Variants in ERO1B observed in about 807,000 individuals in gnomAD.
The protein encoded by ERO1B is ERO1-like protein beta.
Under a neutral mutation model 75.3 loss-of-function variants are expected in ERO1B, and 49 were observed. That is an observed-to-expected ratio of 0.65 (90% CI 0.52 to 0.83). The LOEUF (loss-of-function observed/expected upper bound fraction) is 0.83, where lower values mean the gene tolerates loss of function less well. Among genes scored for constraint, ERO1B ranks in the 40% least tolerant of loss-of-function variants. The probability of loss-of-function intolerance (pLI) is 0.00; values close to 1 mark genes in which losing one functional copy is unlikely to be tolerated. For synonymous variants in ERO1B, 191 were observed against 192.9 expected, an observed-to-expected ratio of 0.99 and a Z score of 0.08; for missense variants, 512 against 560.1, an observed-to-expected ratio of 0.91 and a Z score of 0.87.
intron 2 of ERO1B, among the ~76,000 whole-genome samples, chr1:236,255,525 G>C (rs1484279759): frequency 1.3e-5 from 2 of 152,048 alleles, no homozygotes; most frequent in Non-Finnish European, 2.9e-5. Flanking sequence ...TGGAACAGTG[G>C]TATAATACAT....
intron 5 of ERO1B, among the ~76,000 whole-genome samples, chr1:236,243,889 TTTAAA>T (rs1664773586): frequency 6.6e-6 from 1 of 152,188 alleles, no homozygotes; most frequent in South Asian, 2.1e-4. Context: ...ATTCTTTTAA[TTTAAA>T]TTGTGTCTAT....
intron 4 of ERO1B, among the ~76,000 whole-genome samples, chr1:236,250,618 T>TATGTATAG (rs1491338079): frequency 0.012 from 1,331 of 110,052 alleles, 179 homozygotes; most frequent in Middle Eastern, 0.023. Flanking sequence ...TATATATATA[T>TATGTATAG]CAAACGTGTG....
At chr1:236,268,584 C>A (rs1204376580) in intron 2 of ERO1B, among the ~76,000 whole-genome samples, 2 of 152,124 alleles carry the variant, frequency 1.3e-5, no homozygotes, top group Non-Finnish European at 2.9e-5. Flanking sequence ...AAGACCCTGT[C>A]TCTAAAAAAA....
intron 13 of ERO1B, among the ~76,000 whole-genome samples, chr1:236,222,325 C>T (rs546919172): frequency 2.0e-5 from 3 of 152,158 alleles, no homozygotes; most frequent in African/African-American, 7.2e-5. Context: ...GTTGTCCAGG[C>T]TGGTCTTGAA....
intron 2 of ERO1B, among the ~76,000 whole-genome samples, chr1:236,264,218 T>TG (rs1665365580): frequency 6.6e-6 from 1 of 152,042 alleles, no homozygotes; most frequent in Non-Finnish European, 1.5e-5. Context: ...CTCATGCCTC[T>TG]GCCTGCCCCC....
intron 1 of ERO1B, among the ~76,000 whole-genome samples, chr1:236,281,122 A>G (rs1378620638): frequency 6.6e-6 from 1 of 152,216 alleles, no homozygotes; most frequent in Admixed American, 6.5e-5. Context: ...CTGGGTAAAA[A>G]TAAAGCAATC....
rs572324553 is a variant in ERO1B at position 236,279,827 on chromosome 1, G to A, written c.102+1855C>T. On this transcript the variant is annotated intron_variant, in intron 1 of 15. Transcript: ENST00000354619. ...GCCATTGCATCCAGCCTGGCCAACA[G>A]AGTGAGACACTATCTCAAAAAAAAA... 1.5e-4 allele frequency among the ~76,000 whole-genome samples: 20 copies of A among 129,034 alleles called. No homozygotes were observed. The East Asian group carries it at 3.2e-3, about 20-fold the overall frequency. The allele number at this position is 129,034 out of a possible 152,430, so 84.7% of individuals were successfully genotyped here. A position where few individuals can be genotyped will look rare whatever the true frequency, so the allele number is the denominator to read the frequency against.
intron 2 of ERO1B, 55 bp downstream of exon 2, chr1:236,269,820 T>C (rs1188686554): frequency 8.1e-6 from 11 of 1,359,126 alleles, no homozygotes; most frequent in Non-Finnish European, 1.1e-5. Flanking sequence ...AAAAGGATCA[T>C]AAAGGTCACA....
chr1:236,277,324 A>C lies in ERO1B; in HGVS notation c.102+4358T>G, dbSNP rs140377631. 2.7e-3 allele frequency among the ~76,000 whole-genome samples: 415 copies of C among 151,480 alleles called. 5 individuals are homozygous for C. Among genetic ancestry groups the C allele is most frequent in the African/African-American group, 9.8e-3 (405 of 41,244 alleles). ...GAGGCTGAGGCATAAGAATTGCTTGAGCCTGGGAGACAGAGGTTGCAGTGA... is the reference window on the plus strand; with the variant it reads ...GAGGCTGAGGCATAAGAATTGCTTGCGCCTGGGAGACAGAGGTTGCAGTGA... On this transcript the variant is annotated intron_variant, in intron 1 of 15. Transcript: ENST00000354619.
Position 236,281,726 on chromosome 1 carries a change from G to T in ERO1B, c.58C>A (p.Leu20Met), listed in dbSNP as rs1665835643. 1 of 1,515,140 alleles carries T rather than the reference G, an allele frequency of 6.6e-7. No homozygotes were observed. Among genetic ancestry groups the T allele is most frequent in the East Asian group, 2.6e-5 (1 of 38,996 alleles). 93.9% of individuals were successfully genotyped at this position (1,515,140 alleles called of 1,614,324 possible). A position where few individuals can be genotyped will look rare whatever the true frequency, so the allele number is the denominator to read the frequency against. ...AGQGVAAAVQ[L>M]LVTLSFLRSV... Reference sequence around the variant, plus strand: ...CGCAGGAAGCTCAGGGTGACCAGCAGCTGCACCGCGGCCGCTACCCCCTGC... The same window carrying T: ...CGCAGGAAGCTCAGGGTGACCAGCATCTGCACCGCGGCCGCTACCCCCTGC... Residue 20 changes from leucine (L) to methionine (M), a missense_variant, in exon 1 of 16, where the codon CTG becomes ATG. By Grantham distance (15) the Leu-to-Met change is conservative. Transcript: ENST00000354619.
rs1553371234 is a variant in ERO1B, at chr1:236,239,805, ATG to A, written c.506-3409_506-3408del. On this transcript the variant is annotated intron_variant, in intron 6 of 15. Coordinates refer to ENST00000354619, the MANE Select transcript of ERO1B (RefSeq NM_019891.4). ...CCTCTTCAAGTATATATATATATAT[ATG>A]TGTGTATATATATATGTGTATATAT... is the stretch of plus-strand genomic sequence containing the variant. 5.7e-3 allele frequency among the ~76,000 whole-genome samples: 695 copies of A among 121,686 alleles called. 13 individuals are homozygous for A. The highest frequency in any genetic ancestry group is 0.017 in the African/African-American group (616 of 35,592). The allele number at this position is 121,686 out of a possible 152,430, so 79.8% of individuals were successfully genotyped here. A position where few individuals can be genotyped will look rare whatever the true frequency, so the allele number is the denominator to read the frequency against.
rs547770643 is a variant in ERO1B, at chr1:236,224,508, C to T, written c.1122+562G>A. ...TGCCAATTTCAAATACTTTTATGAA[C>T]ATTTTAAGGGTACAATTTGTTTCTT... On this transcript the variant is annotated intron_variant, in intron 13 of 15. Coordinates refer to ENST00000354619, the MANE Select transcript of ERO1B (RefSeq NM_019891.4). Among the ~76,000 whole-genome samples the T allele has an allele frequency of 1.3e-3, 196 of 150,316 alleles. 1 individual carries two copies. Among genetic ancestry groups the T allele is most frequent in the African/African-American group, 4.2e-3 (174 of 41,110 alleles).
chr1:236,261,416 A>G (rs1255058841), intron 2 of ERO1B, among the ~76,000 whole-genome samples: 2 of 152,210 alleles, frequency 1.3e-5, no homozygotes, highest in Non-Finnish European at 2.9e-5. Flanking sequence ...AGACTCCACC[A>G]AAAAATCTAG....
intron 1 of ERO1B, among the ~76,000 whole-genome samples, chr1:236,273,844 G>T (rs1248555861): frequency 1.3e-5 from 2 of 150,248 alleles, no homozygotes; most frequent in Non-Finnish European, 3.0e-5. Context: ...GTTTCTCCAG[G>T]TTATATGCTT....
At chr1:236,257,876 AG>A (rs1337649741) in intron 2 of ERO1B, among the ~76,000 whole-genome samples, 1 of 151,392 alleles carries the variant, frequency 6.6e-6, no homozygotes, top group East Asian at 2.0e-4. Context: ...ATCCAATCTG[AG>A]GAACAAAAAG....
At chr1:236,219,976 A>AT (rs1484861935) in intron 15 of ERO1B, among the ~76,000 whole-genome samples, 3 of 142,804 alleles carry the variant, frequency 2.1e-5, no homozygotes, top group African/African-American at 7.8e-5. Flanking sequence ...GTGAGCCATG[A>AT]TTGTGCCACT....
intron 2 of ERO1B, among the ~76,000 whole-genome samples, chr1:236,258,512 C>T (rs1270917550): frequency 3.3e-5 from 5 of 152,166 alleles, no homozygotes; most frequent in African/African-American, 1.2e-4. Flanking sequence ...GGAAATTTAT[C>T]ACCACTAGAT....
intron 1 of ERO1B, among the ~76,000 whole-genome samples, chr1:236,273,793 G>A (rs983722499): frequency 8.5e-6 from 1 of 117,820 alleles, no homozygotes; most frequent in East Asian, 2.5e-4. Context: ...GGAAAAGAGC[G>A]AGACCTTGTC....
chr1:236,269,632 T>C (rs1032267948), intron 2 of ERO1B, among the ~76,000 whole-genome samples: 1 of 152,172 alleles, frequency 6.6e-6, no homozygotes, highest in Non-Finnish European at 1.5e-5. Flanking sequence ...TCAGCTTCTA[T>C]AGAGACAGTA....
Sources: allele counts gnomAD v4.1 joint callset (sites outside exome capture counted in the v4.1 genomes callset), GRCh38; gene constraint gnomAD v4.1.1; transcripts MANE v1.5; gene names NCBI Gene and HGNC (gene_info 2026-07-23, HGNC 2026-07-21).